Variants in ARHGEF10L observed in about 807,000 individuals in gnomAD.
ARHGEF10L encodes the protein rho guanine nucleotide exchange factor 10-like protein.
A neutral mutation model predicts 141.2 loss-of-function variants in ARHGEF10L; 69 were observed. That is an observed-to-expected ratio of 0.49 (90% CI 0.40 to 0.60). ARHGEF10L has a LOEUF of 0.60. Among genes scored for constraint, ARHGEF10L ranks in the 20% least tolerant of loss-of-function variants. The pLI is 0.00. For synonymous variants in ARHGEF10L, 711 were observed against 718.5 expected (o/e 0.99, Z 0.17); for missense variants, 1,482 against 1,734.3 (o/e 0.85, Z 2.58).
chr1:17,525,764 G>C, the ARHGEF10L span, among the ~76,000 whole-genome samples: 1 of 151,926 alleles, frequency 6.6e-6, no homozygotes, highest in African/African-American at 2.4e-5. Flanking sequence ...GCACTTTGGG[G>C]GGCTGAGATG....
chr1:17,674,046 A>AC, intron 26 of ARHGEF10L, among the ~76,000 whole-genome samples: 1 of 152,250 alleles, frequency 6.6e-6, no homozygotes, highest in South Asian at 2.1e-4. Flanking sequence ...GTATGTCCGC[A>AC]CCATCCTCCC....
intron 3 of ARHGEF10L, among the ~76,000 whole-genome samples, 165 bp from the exon 4 acceptor site, chr1:17,588,281 G>A (rs879891434): frequency 2.9e-5 from 4 of 135,822 alleles, no homozygotes; most frequent in Non-Finnish European, 6.3e-5. Flanking sequence ...GGGAGCTGAT[G>A]ACTGAGCCAG....
intron 9 of ARHGEF10L, among the ~76,000 whole-genome samples, chr1:17,618,929 C>T (rs1416693189): frequency 6.6e-6 from 1 of 152,208 alleles, no homozygotes; most frequent in Non-Finnish European, 1.5e-5. Flanking sequence ...TATTTTCTTC[C>T]CCCTTTTAGA....
At chr1:17,680,393 G>A (rs985366991) in intron 26 of ARHGEF10L, among the ~76,000 whole-genome samples, 3 of 152,362 alleles carry the variant, frequency 2.0e-5, no homozygotes, top group African/African-American at 4.8e-5. Flanking sequence ...GCACAGAAGC[G>A]TCACCTGGAG....
intron 9 of ARHGEF10L, chr1:17,618,267 G>A (rs531893236): frequency 4.2e-5 from 23 of 552,998 alleles, no homozygotes; most frequent in Middle Eastern, 3.5e-4. Flanking sequence ...TCCCCACCCC[G>A]CCCACAAGCC....
Position 17,615,243 on chromosome 1 carries a change from C to T in ARHGEF10L, c.727-851C>T, listed in dbSNP as rs762381404. The T allele has an allele frequency of 2.3e-4, 35 of 152,266 alleles. No individual in the cohort carries two copies. Among genetic ancestry groups the T allele is most frequent in the Admixed American group, 4.6e-4 (7 of 15,268 alleles). 9.4% of individuals were successfully genotyped at this position (152,266 alleles called of 1,614,324 possible). A position where few individuals can be genotyped will look rare whatever the true frequency, so the allele number is the denominator to read the frequency against. On this transcript the variant is annotated intron_variant, in intron 8 of 28. Transcript: ENST00000361221. The surrounding 1 kb of genome is among the most constrained non-coding windows in gnomAD (Gnocchi z 4.7). ...GTGCTGCTGTATGCTGGAGAAGATG[C>T]GGGTGCTAGGGCTGGGGCTTGGGAG... is the stretch of plus-strand genomic sequence containing the variant.
rs148434834 is a variant in ARHGEF10L, at chr1:17,644,964, G to C, written c.2273-3590G>C. Reference sequence around the variant, plus strand: ...TCAGAGAGGGTAAGCACTTGGCTCCGTGTCACATAGTGAGTTGGAGACTGA... The same window carrying C: ...TCAGAGAGGGTAAGCACTTGGCTCCCTGTCACATAGTGAGTTGGAGACTGA... On this transcript the variant is annotated intron_variant, in intron 21 of 28. Coordinates refer to ENST00000361221, the MANE Select transcript of ARHGEF10L (RefSeq NM_018125.4). The surrounding 1 kb of genome is among the most constrained non-coding windows in gnomAD (Gnocchi z 4.5). 6.6e-6 allele frequency among the ~76,000 whole-genome samples: 1 copy of C among 152,142 alleles called. No individual in the cohort carries two copies. Among genetic ancestry groups the C allele is most frequent in the Non-Finnish European group, 1.5e-5 (1 of 68,028 alleles).
At chr1:17,597,306 T>C (rs2080203689) in intron 4 of ARHGEF10L, among the ~76,000 whole-genome samples, 1 of 152,022 alleles carries the variant, frequency 6.6e-6, no homozygotes, top group Non-Finnish European at 1.5e-5. Flanking sequence ...CGGAGGCCCC[T>C]GAAGGAGTGT....
At chr1:17,622,882 C>A in intron 11 of ARHGEF10L, 114 bp from the exon 12 acceptor site, 4 of 1,116,252 alleles carry the variant, frequency 3.6e-6, no homozygotes, top group Non-Finnish European at 3.8e-6. Context: ...GGGATGAGTG[C>A]CTCCCCTCCG....
rs1553217602 is a variant in ARHGEF10L, at chr1:17,644,729, C to CGGGCTGGAGAAGCA, written c.2273-3817_2273-3804dup. On this transcript the variant is annotated intron_variant, in intron 21 of 28. Coordinates refer to ENST00000361221, the MANE Select transcript of ARHGEF10L (RefSeq NM_018125.4). The surrounding 1 kb of genome is among the most constrained non-coding windows in gnomAD (Gnocchi z 4.5). ...CCCAGTAGGAGTCTGGGAGGCAGGT[C>CGGGCTGGAGAAGCA]GGGCTGGAGAAGCAGGGCTGGGCCC... Among the ~76,000 whole-genome samples, 4 of 151,858 alleles carry CGGGCTGGAGAAGCA rather than the reference C, an allele frequency of 2.6e-5. No individual in the cohort carries two copies. Among genetic ancestry groups the CGGGCTGGAGAAGCA allele is most frequent in the Non-Finnish European group, 5.9e-5 (4 of 67,948 alleles).
chr1:17,605,515 T>A (rs1171156823), intron 6 of ARHGEF10L, among the ~76,000 whole-genome samples: 1 of 152,214 alleles, frequency 6.6e-6, no homozygotes, highest in Non-Finnish European at 1.5e-5. Flanking sequence ...AAGAGTTCTG[T>A]GACTCTGTCT....
At chr1:17,684,066 G>A (rs998438557) in intron 26 of ARHGEF10L, among the ~76,000 whole-genome samples, 4 of 152,232 alleles carry the variant, frequency 2.6e-5, no homozygotes, top group African/African-American at 9.6e-5. Context: ...AAAGCCTGCA[G>A]ACAAAGCATG....
intron 1 of ARHGEF10L, among the ~76,000 whole-genome samples, chr1:17,564,136 C>T (rs947331355): frequency 2.0e-5 from 3 of 152,200 alleles, no homozygotes; most frequent in Non-Finnish European, 4.4e-5. Flanking sequence ...GCACATAGTG[C>T]TTGCTCTGGC....
At position 17,648,707 on chromosome 1, in the gene ARHGEF10L, C is replaced by T. The variant is rs370924964; in HGVS notation, c.2394+32C>T. The T allele has an allele frequency of 2.7e-5, 44 of 1,601,166 alleles. No homozygotes were observed. In the Middle Eastern group the frequency reaches 1.1e-3, roughly 40 times the overall value. Reference sequence around the variant, plus strand: ...GGAGCGGATCTTGCTGAGCCGACCTCGAAGGTGGCTGCGGCTCCCCCTCGC... The same window carrying T: ...GGAGCGGATCTTGCTGAGCCGACCTTGAAGGTGGCTGCGGCTCCCCCTCGC... On this transcript the variant is annotated intron_variant, in intron 22 of 28. Coordinates refer to ENST00000361221, the MANE Select transcript of ARHGEF10L (RefSeq NM_018125.4).
At chr1:17,659,619 G>A (rs1050297673) in intron 25 of ARHGEF10L, among the ~76,000 whole-genome samples, 1 of 152,200 alleles carries the variant, frequency 6.6e-6, no homozygotes, top group Non-Finnish European at 1.5e-5. Context: ...CACCATAGTG[G>A]CCCTGGTGGT....
In ARHGEF10L at chr1:17,656,800, C is replaced by T. The variant is rs976704272; in HGVS notation, c.2860+92C>T. On this transcript the variant is annotated intron_variant, in intron 25 of 28. Transcript: ENST00000361221. This position sits in a 1 kb window ranked among gnomAD's most constrained non-coding sequence, Gnocchi z 4.9. ...CCAAGAGAGGATACAGGAGGCTGGG[C>T]AGGAATGAATTGGGAAATCTCAGTG... is the stretch of plus-strand genomic sequence containing the variant. 8.2e-6 allele frequency: 12 copies of T among 1,456,146 alleles called. No individual in the cohort carries two copies. In the Admixed American group the frequency reaches 2.3e-4, roughly 28 times the overall value. The allele number at this position is 1,456,146 out of a possible 1,614,324, so 90.2% of individuals were successfully genotyped here.
At chr1:17,515,278 T>C in the ARHGEF10L span, among the ~76,000 whole-genome samples, 1 of 143,212 alleles carries the variant, frequency 7.0e-6, no homozygotes, top group Non-Finnish European at 1.5e-5. Flanking sequence ...TTAGATATTA[T>C]TTCTTTTTCT....
Position 17,673,009 on chromosome 1 carries a change from C to T in ARHGEF10L, c.3009+8414C>T, listed in dbSNP as rs995817953. On this transcript the variant is annotated intron_variant, in intron 26 of 28. Coordinates refer to ENST00000361221, the MANE Select transcript of ARHGEF10L (RefSeq NM_018125.4). The surrounding 1 kb of genome is among the most constrained non-coding windows in gnomAD (Gnocchi z 4.1). The stretch of plus-strand genomic sequence containing the variant: ...CCTGTGTCTAGCACTTGGATTCCCC[C>T]CAACCAGAAGATTTAGGTGATGAAA... Among the ~76,000 whole-genome samples the T allele has an allele frequency of 2.0e-5, 3 of 152,054 alleles. No individual in the cohort carries two copies. Among genetic ancestry groups the T allele is most frequent in the Non-Finnish European group, 4.4e-5 (3 of 68,026 alleles).
In ARHGEF10L at chr1:17,584,861, A is replaced by G. The variant is rs550012244; in HGVS notation, c.38-2599A>G. ...CGCACATGTGCACGTGTGCGTGCAC[A>G]CACACACACACACACACACCCCTAC... On this transcript the variant is annotated intron_variant, in intron 2 of 28. Transcript: ENST00000361221. Among the ~76,000 whole-genome samples, 419 of 144,180 alleles carry G rather than the reference A, an allele frequency of 2.9e-3. 1 individual carries two copies. Among genetic ancestry groups the G allele is most frequent in the African/African-American group, 0.01 (399 of 39,780 alleles). 94.6% of individuals were successfully genotyped at this position (144,180 alleles called of 152,430 possible).
Sources: gnomAD v4.1 joint callset for allele counts (sites outside exome capture counted in the v4.1 genomes callset) on GRCh38, gnomAD v4.1.1 for gene constraint, Gnocchi (gnomAD v3.1) non-coding constraint, MANE v1.5 for transcripts, NCBI Gene and HGNC (gene_info 2026-07-23, HGNC 2026-07-21) for gene names.